AGAP2: variants seen among roughly 807,000 people sequenced by gnomAD.
AGAP2 encodes ArfGAP with GTPase domain, ankyrin repeat and PH domain 2.
AGAP2 carries 32 observed loss-of-function variants against 110.9 expected under a neutral mutation model. That is an observed-to-expected ratio of 0.29 (90% confidence interval 0.22 to 0.39). The LOEUF is 0.39. Among genes scored for constraint, AGAP2 ranks in the 10% least tolerant of loss-of-function variants. The probability of loss-of-function intolerance (pLI) is 1.00; values close to 1 mark genes in which losing one functional copy is unlikely to be tolerated. For synonymous variants in AGAP2, 702 were observed against 713.0 expected (o/e 0.98, Z 0.25); for missense variants, 1,285 against 1,638.5 (o/e 0.78, Z 3.72).
rs1955000883 is a variant in AGAP2 at position 57,737,255 on chromosome 12, C to G, written c.992G>C (p.Gly331Ala). Residue 331 changes from glycine (G) to alanine (A), a missense_variant, in exon 1 of 19, where the codon GGC becomes GCC. Physicochemically the swap from Gly to Ala is moderately conservative, Grantham distance 60. Transcript: ENST00000547588. The surrounding 1 kb of genome is among the most constrained non-coding windows in gnomAD (Gnocchi z 5.9). ...LEPPAPGLKR[G>A]REGGRASTRD... The stretch of plus-strand genomic sequence containing the variant: ...AGTGGATGCTCGGCCCCCCTCCCGG[C>G]CCCGTTTCAGCCCCGGAGCTGGAGG... The G allele has an allele frequency of 6.2e-7, 1 of 1,612,706 alleles. No homozygotes were observed. The highest frequency in any genetic ancestry group is 8.5e-7 in the Non-Finnish European group (1 of 1,179,606).
At chr12:57,727,258 C>T in intron 17 of AGAP2, 29 bp from the exon 18 acceptor site, 4 of 1,612,436 alleles carry the variant, frequency 2.5e-6, no homozygotes, top group Non-Finnish European at 3.4e-6. Context: ...ACGGAAAAGG[C>T]TCTAGGGACC....
Position 57,726,443 on chromosome 12 carries a change from G to T in AGAP2, c.*109C>A. ...TCGTGGGGGTAGGAAGTGCTCCCGT[G>T]GGGCGGGGTGCGGATCGGAGAGGTG... On this transcript the variant is annotated 3_prime_UTR_variant, in exon 19 of 19. Transcript: ENST00000547588. The surrounding 1 kb of genome is among the most constrained non-coding windows in gnomAD (Gnocchi z 5.7). 9.3e-7 allele frequency: 1 copy of T among 1,072,614 alleles called. No individual in the cohort carries two copies. Among genetic ancestry groups the T allele is most frequent in the Non-Finnish European group, 1.1e-6 (1 of 871,822 alleles). 66.4% of individuals were successfully genotyped at this position (1,072,614 alleles called of 1,614,324 possible). A position where few individuals can be genotyped will look rare whatever the true frequency, so the allele number is the denominator to read the frequency against.
chr12:57,736,156 G>A (rs1034241589), intron 1 of AGAP2, among the ~76,000 whole-genome samples: 11 of 151,752 alleles, frequency 7.2e-5, no homozygotes, highest in Non-Finnish European at 1.5e-4. Context: ...CCGCAGCTGC[G>A]GCGGGAACTC....
In AGAP2 at chr12:57,727,536, C is replaced by G. The variant is rs746755869; in HGVS notation, c.2904G>C (p.Glu968Asp). ...SLNLGALICI[E>D]CSGIHRNLGT... ...CCAGGTTGCGGTGGATGCCAGAACA[C>G]TCGATGCAGATGAGGGCGCCCAGGT... Residue 968 changes from glutamate to aspartate, a missense_variant, in exon 17 of 19, where the codon GAG (glutamate) becomes GAC (aspartate). By Grantham distance (45) the Glu-to-Asp change is conservative (BLOSUM62 2). Coordinates refer to ENST00000547588, the MANE Select transcript of AGAP2 (RefSeq NM_001122772.3). The G allele has an allele frequency of 1.2e-5, 20 of 1,612,054 alleles. No homozygotes were observed. The highest frequency in any genetic ancestry group is 1.5e-5 in the Non-Finnish European group (18 of 1,179,738).
chr12:57,733,607 A>G (rs1954926627), intron 5 of AGAP2, among the ~76,000 whole-genome samples: 1 of 152,040 alleles, frequency 6.6e-6, no homozygotes, highest in Non-Finnish European at 1.5e-5. Flanking sequence ...TTGTGTTTTC[A>G]CTTTGTTTTT....
chr12:57,727,933 T>C lies in AGAP2; in HGVS notation c.2766+4A>G. 6.2e-7 allele frequency: 1 copy of C among 1,613,932 alleles called. No homozygotes were observed. The highest frequency in any genetic ancestry group is 8.5e-7 in the Non-Finnish European group (1 of 1,179,978). On this transcript the variant is annotated splice_donor_region_variant and intron_variant, in intron 15 of 18. Transcript: ENST00000547588. ...CAGTCCTCCACTCCACCTCAAACTCTTACCTTGACCTTGCTGCTCTCACAG... is the reference window on the plus strand; with the variant it reads ...CAGTCCTCCACTCCACCTCAAACTCCTACCTTGACCTTGCTGCTCTCACAG...
At position 57,727,072 on chromosome 12, in the gene AGAP2, C is replaced by G. The variant is rs779464227; in HGVS notation, c.3238G>C (p.Gly1080Arg). ...VLLLLAHARHGPLDTSVEDPQ... is the reference protein window; with the variant it reads ...VLLLLAHARHRPLDTSVEDPQ... ...TCCTCTACGCTGGTGTCGAGCGGCCCGTGTCGCGCATGGGCCAAAAGCAGG... is the reference window on the plus strand; with the variant it reads ...TCCTCTACGCTGGTGTCGAGCGGCCGGTGTCGCGCATGGGCCAAAAGCAGG... The change falls in exon 18 of 19, where the codon GGG becomes CGG. Residue 1080 changes from glycine to arginine, a missense_variant. Gly to Arg is a moderately radical substitution (Grantham distance 125). Transcript: ENST00000547588. 3.1e-6 allele frequency: 5 copies of G among 1,596,120 alleles called. No individual in the cohort carries two copies. Among genetic ancestry groups the G allele is most frequent in the Non-Finnish European group, 4.3e-6 (5 of 1,172,422 alleles).
intron 9 of AGAP2, 41 bp downstream of exon 9, chr12:57,731,515 A>C (rs1278728883): frequency 6.2e-7 from 1 of 1,613,762 alleles, no homozygotes; most frequent in East Asian, 2.2e-5. Context: ...GCCAACTAAG[A>C]CCAGCTGCCC....
At position 57,731,796 on chromosome 12, in the gene AGAP2, C is replaced by A. The variant is rs1339749116; in HGVS notation, c.1953+13G>T. 2 of 1,560,034 alleles carry A rather than the reference C, an allele frequency of 1.3e-6. No homozygotes were observed. The highest frequency in any genetic ancestry group is 2.4e-5 in the South Asian group (2 of 82,746). On this transcript the variant is annotated intron_variant, in intron 8 of 18. Coordinates refer to ENST00000547588, the MANE Select transcript of AGAP2 (RefSeq NM_001122772.3). ...GACAGGAGGATGGGGGTCAGCATGT[C>A]CATGTCCAATACCGCAAAAAGGCTG...
chr12:57,726,664 G>A lies in AGAP2; in HGVS notation c.3467C>T (p.Ala1156Val). The A allele has an allele frequency of 8.3e-7, 1 of 1,207,922 alleles. No homozygotes were observed. Among genetic ancestry groups the A allele is most frequent in the Non-Finnish European group, 1.0e-6 (1 of 972,226 alleles). 74.8% of individuals were successfully genotyped at this position (1,207,922 alleles called of 1,614,324 possible). A position where few individuals can be genotyped will look rare whatever the true frequency, so the allele number is the denominator to read the frequency against. ...CGTGGTGGCCGCGCTGGGCGTGGTGGCCGCGCTGCCGCCCTCACCCGGGCA... is the reference window on the plus strand; with the variant it reads ...CGTGGTGGCCGCGCTGGGCGTGGTGACCGCGCTGCCGCCCTCACCCGGGCA... ...HGCPGEGGSA[A>V]TTPSAATTPS... The change falls in exon 19 of 19, where the codon GCC becomes GTC. Residue 1156 changes from alanine (A) to valine (V), a missense_variant. Physicochemically the swap from Ala to Val is moderately conservative, Grantham distance 64. Transcript: ENST00000547588. The surrounding 1 kb of genome is among the most constrained non-coding windows in gnomAD (Gnocchi z 5.7).
chr12:57,735,500 C>A, intron 1 of AGAP2, 73 bp from the exon 2 acceptor site: 1 of 1,416,840 alleles, frequency 7.1e-7, no homozygotes, highest in Non-Finnish European at 9.8e-7. Context: ...GCCACCCCTC[C>A]TCCCTCTGCA....
downstream of AGAP2, chr12:57,723,795 G>C (rs1954724472): frequency 6.6e-6 from 1 of 152,236 alleles, no homozygotes; most frequent in South Asian, 2.1e-4. Flanking sequence ...GAGGTTTGCT[G>C]ACACCTTGAC....
rs1382830130 is a variant in AGAP2, at chr12:57,738,548, G to A, written c.-302C>T. ...ACCCCGGCCTGGGTGGGGGCGCTGA[G>A]ATGGGTGGGGGAGGGCGGGGAGGAC... On this transcript the variant is annotated 5_prime_UTR_variant, in exon 1 of 19. Coordinates refer to ENST00000547588, the MANE Select transcript of AGAP2 (RefSeq NM_001122772.3). The surrounding 1 kb of genome is among the most constrained non-coding windows in gnomAD (Gnocchi z 6.7). 6.6e-6 allele frequency among the ~76,000 whole-genome samples: 1 copy of A among 151,834 alleles called. No homozygotes were observed. The highest frequency in any genetic ancestry group is 6.5e-5 in the Admixed American group (1 of 15,278).
upstream of AGAP2, chr12:57,740,091 G>A (rs747049697): frequency 6.6e-6 from 1 of 152,224 alleles, no homozygotes; most frequent in Non-Finnish European, 1.5e-5. Flanking sequence ...GGGACTTGGG[G>A]AGTCACAGCA....
At position 57,737,771 on chromosome 12, in the gene AGAP2, G is replaced by T; in HGVS notation, c.476C>A (p.Ala159Glu). The T allele has an allele frequency of 3.9e-6, 6 of 1,532,774 alleles. No homozygotes were observed. The highest frequency in any genetic ancestry group is 5.2e-6 in the Non-Finnish European group (6 of 1,145,604). 94.9% of individuals were successfully genotyped at this position (1,532,774 alleles called of 1,614,324 possible). The change falls in exon 1 of 19, where the codon GCG becomes GAG. Residue 159 changes from alanine to glutamate, a missense_variant. Physicochemically the swap from Ala to Glu is moderately radical, Grantham distance 107. Around this residue, in one of 7 missense-constraint regions of AGAP2, gnomAD observed 844 missense variants for 941.2 expected, o/e 0.90. Coordinates refer to ENST00000547588, the MANE Select transcript of AGAP2 (RefSeq NM_001122772.3). The surrounding 1 kb of genome is among the most constrained non-coding windows in gnomAD (Gnocchi z 5.9). ...SWGGPEPEGRAGGGIPGSSSP... is the reference protein window; with the variant it reads ...SWGGPEPEGREGGGIPGSSSP... ...GGATGAGCCAGGGATGCCGCCGCCC[G>T]CCCGGCCTTCGGGCTCCGGGCCGCC...
chr12:57,727,009 G>C lies in AGAP2; in HGVS notation c.3301C>G (p.Leu1101Val). 6.2e-7 allele frequency: 1 copy of C among 1,606,178 alleles called. No homozygotes were observed. Among genetic ancestry groups the C allele is most frequent in the Non-Finnish European group, 8.5e-7 (1 of 1,176,874 alleles). The change falls in exon 18 of 19, where the codon CTC (leucine) becomes GTC (valine). Residue 1101 changes from leucine to valine, a missense_variant. Coordinates refer to ENST00000547588, the MANE Select transcript of AGAP2 (RefSeq NM_001122772.3). ...AGTTGCGTGATGACGACGTGGGCGA[G>C]CTCGGCCGCCAGGTGGAGTGGGGAG... ...LRSPLHLAAE[L>V]AHVVITQLLL...
chr12:57,726,657 C>G lies in AGAP2; in HGVS notation c.3474G>C (p.Thr1158=). Residue 1158 remains threonine (T), a synonymous_variant, in exon 19 of 19, where the codon ACG becomes ACC. Transcript: ENST00000547588. This position sits in a 1 kb window ranked among gnomAD's most constrained non-coding sequence, Gnocchi z 5.7. The part of the protein sequence containing the change: ...CPGEGGSAAT[T]PSAATTPSIT... ...TGCTGGGCGTGGTGGCCGCGCTGGG[C>G]GTGGTGGCCGCGCTGCCGCCCTCAC... is the stretch of plus-strand genomic sequence containing the variant. 1 of 1,203,358 alleles carries G rather than the reference C, an allele frequency of 8.3e-7. No homozygotes were observed. Among genetic ancestry groups the G allele is most frequent in the South Asian group, 3.7e-5 (1 of 27,008 alleles). 74.5% of individuals were successfully genotyped at this position (1,203,358 alleles called of 1,614,324 possible). A position where few individuals can be genotyped will look rare whatever the true frequency, so the allele number is the denominator to read the frequency against.
intron 2 of AGAP2, 88 bp from the exon 3 acceptor site, chr12:57,734,767 T>G (rs1342457043): frequency 1.6e-6 from 2 of 1,238,596 alleles, no homozygotes; most frequent in African/African-American, 1.5e-5. Flanking sequence ...CCCAGAGAGA[T>G]AAGTCATCCA....
chr12:57,741,989 C>A, upstream of AGAP2: 1 of 1,614,158 alleles, frequency 6.2e-7, no homozygotes, highest in South Asian at 1.1e-5. Context: ...CTTCCTGAGG[C>A]GGTTTAGAGC....
Sources: gnomAD v4.1 joint callset for allele counts (sites outside exome capture counted in the v4.1 genomes callset) on GRCh38, gnomAD v4.1.1 for gene constraint, gnomAD v4.1.1 regional missense constraint, Gnocchi (gnomAD v3.1) non-coding constraint, MANE v1.5 for transcripts, NCBI Gene and HGNC (gene_info 2026-07-23, HGNC 2026-07-21) for gene names.